The following PABPC4L variants were observed in gnomAD, a reference collection of about 807,000 sequenced individuals.
The protein encoded by PABPC4L is polyadenylate-binding protein 4-like.
For synonymous variants in PABPC4L, 169 were observed against 164.1 expected (o/e 1.03, Z -0.23); for missense variants, 452 against 451.4 (o/e 1.00, Z -0.01).
At chr4:134,048,547 A>G in the PABPC4L span, among the ~76,000 whole-genome samples, 3 of 152,104 alleles carry the variant, frequency 2.0e-5, no homozygotes, top group East Asian at 5.8e-4. Context: ...AGTATATCAC[A>G]TTTACTTAAT....
At chr4:134,185,952 T>A in the PABPC4L span, among the ~76,000 whole-genome samples, 1 of 151,814 alleles carries the variant, frequency 6.6e-6, no homozygotes, top group African/African-American at 2.4e-5. Flanking sequence ...ACAAAGACAA[T>A]AAAATACCTA....
the PABPC4L span, among the ~76,000 whole-genome samples, chr4:134,003,305 GA>G: frequency 6.6e-6 from 1 of 151,844 alleles, no homozygotes; most frequent in Non-Finnish European, 1.5e-5. Context: ...AACTCATGGA[GA>G]ACCCTACTCA....
chr4:134,047,928 T>C, the PABPC4L span, among the ~76,000 whole-genome samples: 1 of 152,092 alleles, frequency 6.6e-6, no homozygotes, highest in African/African-American at 2.4e-5. Flanking sequence ...GTTGCTATGC[T>C]GCAAAATTGT....
chr4:134,166,732 T>C, the PABPC4L span, among the ~76,000 whole-genome samples: 1 of 152,162 alleles, frequency 6.6e-6, no homozygotes, highest in East Asian at 1.9e-4. Flanking sequence ...TTGATTTTTG[T>C]CCCTTCCTAT....
chr4:134,051,884 A>G, the PABPC4L span, among the ~76,000 whole-genome samples: 1 of 152,180 alleles, frequency 6.6e-6, no homozygotes, highest in East Asian at 1.9e-4. Flanking sequence ...CAGATGTTAT[A>G]TATAGTCATA....
chr4:134,192,740 C>T (rs749433961), downstream of PABPC4L, among the ~76,000 whole-genome samples: 6 of 152,100 alleles, frequency 3.9e-5, no homozygotes, highest in African/African-American at 1.2e-4. Context: ...CACTAAAATA[C>T]GCTGAGTAAA....
At chr4:133,974,156 T>C in the PABPC4L span, among the ~76,000 whole-genome samples, 4 of 151,946 alleles carry the variant, frequency 2.6e-5, no homozygotes, top group African/African-American at 9.7e-5. Context: ...GGCATAAGGA[T>C]AAAAATATAG....
chr4:134,070,989 C>T, the PABPC4L span, among the ~76,000 whole-genome samples: 5 of 152,168 alleles, frequency 3.3e-5, no homozygotes, highest in Non-Finnish European at 5.9e-5. Context: ...TGGACATGCT[C>T]CACTGCAGAT....
chr4:134,064,452 G>T, the PABPC4L span, among the ~76,000 whole-genome samples: 1 of 151,984 alleles, frequency 6.6e-6, no homozygotes, highest in Non-Finnish European at 1.5e-5. Flanking sequence ...AATAGTAACC[G>T]GTGTAATGGG....
chr4:133,951,875 T>C, the PABPC4L span, among the ~76,000 whole-genome samples: 2 of 152,258 alleles, frequency 1.3e-5, no homozygotes, highest in East Asian at 3.9e-4. Context: ...CCTACAGTAA[T>C]GAGTTAAACC....
chr4:133,963,538 A>T, the PABPC4L span, among the ~76,000 whole-genome samples: 2 of 152,094 alleles, frequency 1.3e-5, no homozygotes, highest in Non-Finnish European at 2.9e-5. Flanking sequence ...CAGAGAATAA[A>T]CATGCTATTC....
At chr4:134,078,179 A>G in the PABPC4L span, among the ~76,000 whole-genome samples, 3 of 152,236 alleles carry the variant, frequency 2.0e-5, no homozygotes, top group Non-Finnish European at 4.4e-5. Flanking sequence ...TCTCTATACT[A>G]TACCAAGCAC....
the PABPC4L span, among the ~76,000 whole-genome samples, chr4:134,175,917 G>A: frequency 6.6e-6 from 1 of 150,700 alleles, no homozygotes; most frequent in African/African-American, 2.5e-5. Context: ...ATGTAAAATA[G>A]TCTTGTCTTA....
chr4:134,144,973 G>A, the PABPC4L span, among the ~76,000 whole-genome samples: 1 of 151,718 alleles, frequency 6.6e-6, no homozygotes, highest in Admixed American at 6.6e-5. Context: ...ATAACTGCAA[G>A]GAGGCAGTCT....
At chr4:134,089,720 C>T in the PABPC4L span, among the ~76,000 whole-genome samples, 2 of 151,914 alleles carry the variant, frequency 1.3e-5, no homozygotes, top group African/African-American at 4.8e-5. Flanking sequence ...TCCTCAGATG[C>T]AAAATCCCTC....
At chr4:134,088,991 T>C in the PABPC4L span, among the ~76,000 whole-genome samples, 3 of 152,106 alleles carry the variant, frequency 2.0e-5, no homozygotes, top group Non-Finnish European at 4.4e-5. Flanking sequence ...TAATAATGTA[T>C]ATAAGTGATT....
chr4:134,178,129 A>G, the PABPC4L span, among the ~76,000 whole-genome samples: 3,411 of 152,130 alleles, frequency 0.022, 132 homozygotes, highest in African/African-American at 0.077. Context: ...GTATTTCCCC[A>G]GGAGGCATAC....
the PABPC4L span, among the ~76,000 whole-genome samples, chr4:134,040,903 A>C: frequency 6.6e-6 from 1 of 152,182 alleles, no homozygotes; most frequent in African/African-American, 2.4e-5. Flanking sequence ...CCCATCAAGA[A>C]GTGAGCAAAG....
the PABPC4L span, among the ~76,000 whole-genome samples, chr4:134,124,991 A>C: frequency 1.3e-5 from 2 of 152,120 alleles, no homozygotes; most frequent in Non-Finnish European, 2.9e-5. Context: ...ATTATTGAAG[A>C]CCACACCGGT....
Sources: gnomAD v4.1 joint callset for allele counts (sites outside exome capture counted in the v4.1 genomes callset) on GRCh38, gnomAD v4.1.1 for gene constraint, MANE v1.5 for transcripts, NCBI Gene and HGNC (gene_info 2026-07-23, HGNC 2026-07-21) for gene names.